Variants in LRMDA observed in about 807,000 individuals in gnomAD.
LRMDA encodes leucine rich melanocyte differentiation associated.
In LRMDA, 18 loss-of-function variants were observed where a neutral mutation model predicts 29.8. The observed-to-expected ratio is 0.60, with a 90% CI of 0.42 to 0.90. The LOEUF (loss-of-function observed/expected upper bound fraction) is 0.90. Among genes scored for constraint, LRMDA ranks in the 40% least tolerant of loss-of-function variants. The pLI, the probability that LRMDA is intolerant of heterozygous loss-of-function variation, is 0.00. For synonymous variants in LRMDA, 125 were observed against 109.4 expected, an observed-to-expected ratio of 1.14 and a Z score of -0.89; for missense variants, 273 against 273.9, an observed-to-expected ratio of 1.00 and a Z score of 0.02.
chr10:76,103,054 A>C lies in LRMDA; in HGVS notation c.516+44271A>C, dbSNP rs980649844. On this transcript the variant is annotated intron_variant, in intron 5 of 6. Transcript: ENST00000611255. The stretch of plus-strand genomic sequence containing the variant: ...CGTTTAATGTTTTAAGGAACCTACT[A>C]TCTCCTTTGACTATAATTTTTGTCA... 2.0e-5 allele frequency among the ~76,000 whole-genome samples: 3 copies of C among 152,130 alleles called. 1 individual carries two copies. The highest frequency in any genetic ancestry group is 4.4e-5 in the Non-Finnish European group (3 of 68,024).
Position 75,574,613 on chromosome 10 carries a change from C to T in LRMDA, c.131+136119C>T, listed in dbSNP as rs148990707. Among the ~76,000 whole-genome samples the T allele has an allele frequency of 3.0e-3, 455 of 152,268 alleles. 2 individuals carry two copies. The highest frequency in any genetic ancestry group is 0.01 in the African/African-American group (423 of 41,544). ...ACTCCTTTTCTGTCATCTTCATAGG[C>T]CCTTCTTCTTCCCCTCCCCTCAATG... is the stretch of plus-strand genomic sequence containing the variant. On this transcript the variant is annotated intron_variant, in intron 2 of 6. Transcript: ENST00000611255.
intron 2 of LRMDA, among the ~76,000 whole-genome samples, chr10:75,741,955 T>C (rs1842835257): frequency 6.6e-6 from 1 of 152,112 alleles, no homozygotes; most frequent in South Asian, 2.1e-4. Context: ...GAGAGCGCTG[T>C]GAGGACAGAA....
intron 2 of LRMDA, among the ~76,000 whole-genome samples, chr10:76,020,294 A>G (rs1847951388): frequency 6.6e-6 from 1 of 152,246 alleles, no homozygotes; most frequent in Non-Finnish European, 1.5e-5. Context: ...AAAACATGTC[A>G]CATAAAAGCA....
At chr10:75,836,343 A>G (rs1844436239) in intron 2 of LRMDA, among the ~76,000 whole-genome samples, 1 of 152,222 alleles carries the variant, frequency 6.6e-6, no homozygotes, top group Non-Finnish European at 1.5e-5. Flanking sequence ...AGGGAAATCA[A>G]CTGAAGAAGA....
chr10:76,385,776 T>C (rs1376986357), intron 6 of LRMDA, among the ~76,000 whole-genome samples: 1 of 152,246 alleles, frequency 6.6e-6, no homozygotes, highest in African/African-American at 2.4e-5. Flanking sequence ...TCTTCATTCA[T>C]TTGCTGCTTA....
At chr10:75,667,487 A>G (rs1213896733) in intron 2 of LRMDA, among the ~76,000 whole-genome samples, 1 of 152,146 alleles carries the variant, frequency 6.6e-6, no homozygotes, top group Non-Finnish European at 1.5e-5. Flanking sequence ...ATTTTTAGAG[A>G]CAGGGTTTTG....
At chr10:75,992,864 T>C (rs545102518) in intron 2 of LRMDA, among the ~76,000 whole-genome samples, 347 of 152,288 alleles carry the variant, frequency 2.3e-3, no homozygotes, top group Non-Finnish European at 4.4e-3. Context: ...TGGACTCAGG[T>C]CCAAATTCAT....
intron 2 of LRMDA, among the ~76,000 whole-genome samples, chr10:75,930,474 G>T (rs896973731): frequency 2.6e-5 from 4 of 152,040 alleles, no homozygotes; most frequent in Non-Finnish European, 5.9e-5. Flanking sequence ...TATGACAGAG[G>T]TCAACTCCTA....
intron 5 of LRMDA, among the ~76,000 whole-genome samples, chr10:76,227,474 T>C (rs1851981388): frequency 6.6e-6 from 1 of 152,194 alleles, no homozygotes; most frequent in South Asian, 2.1e-4. Context: ...AATTTTTCCA[T>C]CAGTGGAAAT....
At chr10:76,227,554 A>T (rs570820161) in intron 5 of LRMDA, among the ~76,000 whole-genome samples, 1 of 152,302 alleles carries the variant, frequency 6.6e-6, no homozygotes, top group South Asian at 2.1e-4. Context: ...CAAGGCCCTG[A>T]TAGTTTTAGG....
intron 2 of LRMDA, among the ~76,000 whole-genome samples, chr10:75,823,139 T>C (rs1408263026): frequency 1.3e-5 from 2 of 152,080 alleles, no homozygotes; most frequent in African/African-American, 4.8e-5. Flanking sequence ...CCAAAAAGCT[T>C]ATGCACAGCA....
chr10:75,590,672 A>AT (rs1351613465), intron 2 of LRMDA, among the ~76,000 whole-genome samples: 6 of 143,814 alleles, frequency 4.2e-5, no homozygotes, highest in South Asian at 4.3e-4. Context: ...TGCCTTAAAT[A>AT]TTTTTTTTAA....
intron 2 of LRMDA, among the ~76,000 whole-genome samples, chr10:75,725,711 C>A (rs1842623377): frequency 6.6e-6 from 1 of 152,150 alleles, no homozygotes; most frequent in African/African-American, 2.4e-5. Flanking sequence ...ATTGTTTTGG[C>A]TGTTCCTGTG....
intron 6 of LRMDA, among the ~76,000 whole-genome samples, chr10:76,555,534 T>G (rs1374124436): frequency 6.6e-6 from 1 of 152,192 alleles, no homozygotes; most frequent in Non-Finnish European, 1.5e-5. Flanking sequence ...CCAACTCTGA[T>G]AGACTATTTG....
At chr10:76,400,211 C>G (rs1176819871) in intron 6 of LRMDA, among the ~76,000 whole-genome samples, 2 of 152,154 alleles carry the variant, frequency 1.3e-5, no homozygotes, top group Non-Finnish European at 2.9e-5. Context: ...GGAACTATGG[C>G]CCTCTACCCA....
intron 5 of LRMDA, among the ~76,000 whole-genome samples, chr10:76,112,440 T>C (rs1849595964): frequency 6.6e-6 from 1 of 152,174 alleles, no homozygotes; most frequent in Non-Finnish European, 1.5e-5. Flanking sequence ...GCCGCCTGAT[T>C]AGCATCAGGG....
chr10:76,035,541 A>G (rs1589297396), intron 2 of LRMDA, among the ~76,000 whole-genome samples: 1 of 152,190 alleles, frequency 6.6e-6, no homozygotes, highest in Non-Finnish European at 1.5e-5. Context: ...TGATACTTGA[A>G]GTTATATTTA....
chr10:75,859,496 CT>C (rs1214741421), intron 2 of LRMDA, among the ~76,000 whole-genome samples: 1 of 151,952 alleles, frequency 6.6e-6, no homozygotes, highest in Non-Finnish European at 1.5e-5. Context: ...TATGTATTGT[CT>C]TTTTTGTTGT....
intron 5 of LRMDA, among the ~76,000 whole-genome samples, chr10:76,219,950 A>C (rs1851799511): frequency 6.6e-6 from 1 of 152,274 alleles, no homozygotes; most frequent in Non-Finnish European, 1.5e-5. Context: ...ACTAGAACTC[A>C]GGATTCAGAA....
Sources: allele counts gnomAD v4.1 joint callset (sites outside exome capture counted in the v4.1 genomes callset), GRCh38; gene constraint gnomAD v4.1.1; transcripts MANE v1.5; gene names NCBI Gene and HGNC (gene_info 2026-07-23, HGNC 2026-07-21).